Variants in WDFY3 observed in about 807,000 individuals in gnomAD.
WDFY3 encodes the protein WD repeat and FYVE domain-containing protein 3.
WDFY3 carries 66 observed loss-of-function variants against 409.6 expected under a neutral mutation model. The observed-to-expected ratio is 0.16, with a 90% CI of 0.13 to 0.20. WDFY3 has a LOEUF of 0.20. WDFY3 is among the 10% of genes least tolerant of loss of function. WDFY3 has a pLI of 1.00. For synonymous variants in WDFY3, 1,521 were observed against 1,537.1 expected, an observed-to-expected ratio of 0.99 and a Z score of 0.25; for missense variants, 3,031 against 4,298.1, an observed-to-expected ratio of 0.71 and a Z score of 8.24.
chr4:84,779,650 T>A (rs1349926621), intron 26 of WDFY3, among the ~76,000 whole-genome samples: 2 of 151,916 alleles, frequency 1.3e-5, no homozygotes, highest in Non-Finnish European at 2.9e-5. Flanking sequence ...GTCTCCTGAG[T>A]AAGTAACAGA....
intron 3 of WDFY3, among the ~76,000 whole-genome samples, chr4:84,877,174 T>G (rs1455256380): frequency 6.6e-6 from 1 of 152,228 alleles, no homozygotes; most frequent in Non-Finnish European, 1.5e-5. Context: ...CATGCCCTAC[T>G]ATTCTACTTT....
intron 66 of WDFY3, 53 bp downstream of exon 66, chr4:84,678,115 G>A: frequency 7.0e-7 from 1 of 1,425,340 alleles, no homozygotes; most frequent in Non-Finnish European, 9.9e-7. Context: ...GTGGCCCTTG[G>A]CTAACCAAAT....
chr4:84,881,615 A>C (rs1763546327), intron 3 of WDFY3, among the ~76,000 whole-genome samples: 1 of 151,836 alleles, frequency 6.6e-6, no homozygotes, highest in Non-Finnish European at 1.5e-5. Flanking sequence ...AGCCAGGTGC[A>C]GTGGCTCACG....
chr4:84,845,103 A>C (rs1169829250), intron 5 of WDFY3, among the ~76,000 whole-genome samples: 12 of 152,154 alleles, frequency 7.9e-5, no homozygotes, highest in Admixed American at 7.2e-4. Context: ...CCATATCTCA[A>C]GTAATCTGAT....
intron 16 of WDFY3, 43 bp from the exon 17 acceptor site, chr4:84,801,907 T>C (rs1750638732): frequency 5.7e-6 from 9 of 1,573,598 alleles, no homozygotes; most frequent in Non-Finnish European, 7.0e-6. Flanking sequence ...TCATTCTTAG[T>C]GAGAAAGATG....
chr4:84,893,937 C>G (rs1357710126), intron 3 of WDFY3, among the ~76,000 whole-genome samples: 1 of 151,468 alleles, frequency 6.6e-6, no homozygotes, highest in Non-Finnish European at 1.5e-5. Context: ...TGCAATGAGC[C>G]GAGGCTGCGC....
chr4:84,852,677 TC>T (rs765607700), intron 4 of WDFY3, among the ~76,000 whole-genome samples: 87 of 152,232 alleles, frequency 5.7e-4, no homozygotes, highest in Non-Finnish European at 1.1e-3. Context: ...CACATTTTTT[TC>T]CTGAGATTTT....
At chr4:84,782,531 T>A (rs1746717450) in intron 25 of WDFY3, among the ~76,000 whole-genome samples, 1 of 152,160 alleles carries the variant, frequency 6.6e-6, no homozygotes, top group Non-Finnish European at 1.5e-5. Context: ...ATGCTCTCCC[T>A]CCCCTTGGCC....
chr4:84,850,433 C>T (rs1009721304), intron 4 of WDFY3, among the ~76,000 whole-genome samples: 4 of 152,096 alleles, frequency 2.6e-5, no homozygotes, highest in Non-Finnish European at 4.4e-5. Context: ...TCTCCTGCCT[C>T]AGCCTGCCAA....
chr4:84,800,661 G>A (rs1750354949), intron 17 of WDFY3, among the ~76,000 whole-genome samples: 1 of 152,006 alleles, frequency 6.6e-6, no homozygotes, highest in African/African-American at 2.4e-5. Context: ...TTTGGCATCA[G>A]GGAGCGGTTT....
intron 1 of WDFY3, among the ~76,000 whole-genome samples, chr4:84,950,089 T>C (rs1427652328): frequency 6.6e-6 from 1 of 152,242 alleles, no homozygotes; most frequent in East Asian, 1.9e-4. Context: ...TGAGTTCATG[T>C]GCTTTGCAGG....
At chr4:84,754,608 T>A (rs1195807773) in intron 34 of WDFY3, among the ~76,000 whole-genome samples, 1 of 152,188 alleles carries the variant, frequency 6.6e-6, no homozygotes, top group East Asian at 1.9e-4. Flanking sequence ...AATCTGGTCA[T>A]TATTCACAGT....
chr4:84,761,781 C>A (rs1249438527), intron 32 of WDFY3, among the ~76,000 whole-genome samples: 1 of 152,082 alleles, frequency 6.6e-6, no homozygotes, highest in Admixed American at 6.6e-5. Flanking sequence ...AAACAAACAA[C>A]CCCATCAAAA....
At chr4:84,727,041 G>T in intron 44 of WDFY3, 130 bp from the exon 45 acceptor site, 2 of 735,342 alleles carry the variant, frequency 2.7e-6, no homozygotes, top group South Asian at 4.0e-5. Context: ...TAACATGATA[G>T]CCTAAGCAGC....
chr4:84,724,096 G>A (rs1327159417), intron 46 of WDFY3, among the ~76,000 whole-genome samples: 1 of 152,246 alleles, frequency 6.6e-6, no homozygotes, highest in Non-Finnish European at 1.5e-5. Flanking sequence ...CAAGGCACAT[G>A]TTCTCAATAC....
chr4:84,839,793 G>A (rs1757082167), intron 6 of WDFY3, among the ~76,000 whole-genome samples: 1 of 152,006 alleles, frequency 6.6e-6, no homozygotes, highest in Non-Finnish European at 1.5e-5. Flanking sequence ...GGGAGGCGGA[G>A]GTTGCAGTGA....
At position 84,780,163 on chromosome 4, in the gene WDFY3, A is replaced by C; in HGVS notation, c.4310T>G (p.Val1437Gly). 6.2e-7 allele frequency: 1 copy of C among 1,613,378 alleles called. No homozygotes were observed. Among genetic ancestry groups the C allele is most frequent in the East Asian group, 2.2e-5 (1 of 44,850 alleles). Residue 1437 changes from valine (V) to glycine (G), a missense_variant, in exon 26 of 68, where the codon GTG becomes GGG. Physicochemically the swap from Val to Gly is moderately radical, Grantham distance 109. This residue lies in a region of WDFY3 where 55 missense variants were observed against 124.1 expected (regional missense o/e 0.44). Transcript: ENST00000295888. ...GCTGGCTAGTGGGTTACTCTTGACCACACAAACCAGGGCCTTGACTGCTGC... is the reference window on the plus strand; with the variant it reads ...GCTGGCTAGTGGGTTACTCTTGACCCCACAAACCAGGGCCTTGACTGCTGC... ...LYAAVKALVCVVKSNPLASKE... is the reference protein window; with the variant it reads ...LYAAVKALVCGVKSNPLASKE...
At chr4:84,781,395 T>A (rs1019881799) in intron 25 of WDFY3, among the ~76,000 whole-genome samples, 2 of 148,222 alleles carry the variant, frequency 1.3e-5, no homozygotes, top group Non-Finnish European at 3.0e-5. Context: ...CCCTTTTGTT[T>A]TTTTTTTTTT....
At chr4:84,937,438 G>A (rs1335937440) in intron 1 of WDFY3, among the ~76,000 whole-genome samples, 1 of 152,038 alleles carries the variant, frequency 6.6e-6, no homozygotes, top group Non-Finnish European at 1.5e-5. Context: ...AAGTACTATT[G>A]ACTTTATCTA....
Sources: allele counts gnomAD v4.1 joint callset (sites outside exome capture counted in the v4.1 genomes callset), GRCh38; gene constraint gnomAD v4.1.1; regional missense constraint gnomAD v4.1.1; transcripts MANE v1.5; gene names NCBI Gene and HGNC (gene_info 2026-07-23, HGNC 2026-07-21).